Variants in MCTP1 observed in about 807,000 individuals in gnomAD.
MCTP1 encodes multiple C2 and transmembrane domain-containing protein 1.
In MCTP1, 69 loss-of-function variants were observed where a neutral mutation model predicts 120.6. The observed-to-expected ratio is 0.57, with a 90% CI of 0.47 to 0.70. The LOEUF is 0.70. Among genes scored for constraint, MCTP1 ranks in the 30% least tolerant of loss-of-function variants. The probability of loss-of-function intolerance (pLI) is 0.00; values close to 1 mark genes in which losing one functional copy is unlikely to be tolerated. For synonymous variants in MCTP1, 529 were observed against 493.1 expected, an observed-to-expected ratio of 1.07 and a Z score of -0.96; for missense variants, 1,203 against 1,248.8, an observed-to-expected ratio of 0.96 and a Z score of 0.55.
intron 1 of MCTP1, among the ~76,000 whole-genome samples, chr5:95,194,434 G>A (rs1750161789): frequency 6.6e-6 from 1 of 152,100 alleles, no homozygotes; most frequent in East Asian, 1.9e-4. Context: ...AAAGAAAGAG[G>A]AGAGCAAAGC....
At chr5:94,860,337 C>T (rs1339020651) in intron 17 of MCTP1, among the ~76,000 whole-genome samples, 1 of 151,290 alleles carries the variant, frequency 6.6e-6, no homozygotes, top group Non-Finnish European at 1.5e-5. Context: ...CCCATCAAAC[C>T]CTCATAATGA....
intron 1 of MCTP1, among the ~76,000 whole-genome samples, chr5:95,092,966 G>A (rs2152345354): frequency 6.6e-6 from 1 of 152,284 alleles, no homozygotes; most frequent in African/African-American, 2.4e-5. Flanking sequence ...ACACCTCATA[G>A]GGAGCTGAAA....
intron 1 of MCTP1, among the ~76,000 whole-genome samples, chr5:95,090,217 T>G (rs1222749440): frequency 6.6e-6 from 1 of 152,258 alleles, no homozygotes; most frequent in Non-Finnish European, 1.5e-5. Flanking sequence ...CAACATTGTA[T>G]GTTTAATTTT....
chr5:94,961,567 T>C lies in MCTP1; in HGVS notation c.839-8206A>G, dbSNP rs74563120. On this transcript the variant is annotated intron_variant, in intron 2 of 22. Transcript: ENST00000515393. ...CCTACAAAAAGGAAGGGACTTCACA[T>C]ATGTACAATATATATCATACCATTT... 3.7e-3 allele frequency among the ~76,000 whole-genome samples: 558 copies of C among 152,264 alleles called. 4 individuals carry two copies. Among genetic ancestry groups the C allele is most frequent in the Non-Finnish European group, 5.3e-3 (360 of 68,012 alleles).
rs898226014 is a variant in MCTP1, at chr5:94,735,039, G to T, written c.2611-20153C>A. Among the ~76,000 whole-genome samples the T allele has an allele frequency of 2.6e-5, 4 of 152,154 alleles. No homozygotes were observed. In the South Asian group the frequency reaches 6.2e-4, roughly 24 times the overall value. On this transcript the variant is annotated intron_variant, in intron 19 of 22. Coordinates refer to ENST00000515393, the MANE Select transcript of MCTP1 (RefSeq NM_024717.7). The stretch of plus-strand genomic sequence containing the variant: ...TATGTGATAATTGACCTGTGTGAGT[G>T]TATCTGTAGTATAAACTTCTACTAC...
chr5:95,153,095 G>A (rs1333282508), intron 1 of MCTP1, among the ~76,000 whole-genome samples: 1 of 152,096 alleles, frequency 6.6e-6, no homozygotes, highest in Non-Finnish European at 1.5e-5. Flanking sequence ...CCAACCAAAT[G>A]TCATCTCAAA....
At chr5:95,172,988 C>T (rs1747524368) in intron 1 of MCTP1, among the ~76,000 whole-genome samples, 1 of 152,114 alleles carries the variant, frequency 6.6e-6, no homozygotes. Flanking sequence ...ATATTAATTT[C>T]AGCCTTTTTT....
chr5:94,888,864 T>A lies in MCTP1; in HGVS notation c.1933+15A>T. The A allele has an allele frequency of 6.4e-7, 1 of 1,556,108 alleles. No individual in the cohort carries two copies. Among genetic ancestry groups the A allele is most frequent in the Non-Finnish European group, 8.9e-7 (1 of 1,127,474 alleles). On this transcript the variant is annotated intron_variant, in intron 12 of 22. Coordinates refer to ENST00000515393, the MANE Select transcript of MCTP1 (RefSeq NM_024717.7). ...TGCTTGATCTGAGCAATAGGAGAATTGCATCATCTCTTACCAGTGACGTCG... is the reference window on the plus strand; with the variant it reads ...TGCTTGATCTGAGCAATAGGAGAATAGCATCATCTCTTACCAGTGACGTCG...
chr5:95,265,035 A>G (rs1758771241), intron 1 of MCTP1, among the ~76,000 whole-genome samples: 1 of 152,152 alleles, frequency 6.6e-6, no homozygotes, highest in Admixed American at 6.5e-5. Context: ...TGAAAGGCTC[A>G]TGAACAGCCC....
intron 1 of MCTP1, among the ~76,000 whole-genome samples, chr5:95,255,019 G>A (rs1239804720): frequency 1.3e-5 from 2 of 152,062 alleles, no homozygotes; most frequent in Non-Finnish European, 2.9e-5. Context: ...AAAACTTTCA[G>A]GGTTTTCTTG....
intron 2 of MCTP1, among the ~76,000 whole-genome samples, chr5:94,971,437 A>G (rs1010864215): frequency 6.6e-6 from 1 of 152,166 alleles, no homozygotes; most frequent in South Asian, 2.1e-4. Flanking sequence ...CTAGCAAGAT[A>G]AAGTTAAATA....
chr5:94,905,493 G>C (rs1411160967), intron 10 of MCTP1, among the ~76,000 whole-genome samples: 5 of 152,196 alleles, frequency 3.3e-5, no homozygotes, highest in Non-Finnish European at 7.3e-5. Context: ...CCATATGAAA[G>C]CTGATGGTGG....
chr5:95,101,832 T>C (rs1172955700), intron 1 of MCTP1, among the ~76,000 whole-genome samples: 1 of 152,198 alleles, frequency 6.6e-6, no homozygotes, highest in Non-Finnish European at 1.5e-5. Context: ...AGGAAACTCC[T>C]TTCAAAGACA....
intron 4 of MCTP1, 55 bp downstream of exon 4, chr5:94,942,293 A>T: frequency 7.6e-7 from 1 of 1,320,378 alleles, no homozygotes; most frequent in Non-Finnish European, 1.1e-6. Context: ...ATTTTCTGTT[A>T]CACAAGCCCA....
At chr5:95,127,253 A>G (rs1370819835) in intron 1 of MCTP1, among the ~76,000 whole-genome samples, 1 of 152,014 alleles carries the variant, frequency 6.6e-6, no homozygotes, top group Non-Finnish European at 1.5e-5. Context: ...TGAAAAAAAA[A>G]AAGTTTTTAC....
intron 1 of MCTP1, among the ~76,000 whole-genome samples, chr5:95,096,982 A>G (rs1299052061): frequency 6.6e-6 from 1 of 152,158 alleles, no homozygotes; most frequent in Non-Finnish European, 1.5e-5. Flanking sequence ...CATGATGTTT[A>G]AATACATTAC....
In MCTP1 at chr5:94,953,832, TATATATATATACACAACTATATATATGC is replaced by T. The variant is rs1156984768; in HGVS notation, c.839-499_839-472del. ...ATATATATACAAATATATATATACA[TATATATATATACACAACTATATATATGC>T]ATATATATACAAATATATATGCATA... On this transcript the variant is annotated intron_variant, in intron 2 of 22. Coordinates refer to ENST00000515393, the MANE Select transcript of MCTP1 (RefSeq NM_024717.7). Among the ~76,000 whole-genome samples the T allele has an allele frequency of 4.8e-3, 214 of 44,522 alleles. 28 individuals are homozygous for T. Among genetic ancestry groups the T allele is most frequent in the Admixed American group, 6.8e-3 (27 of 3,966 alleles). The allele number at this position is 44,522 out of a possible 152,430, so 29.2% of individuals were successfully genotyped here. A position where few individuals can be genotyped will look rare whatever the true frequency, so the allele number is the denominator to read the frequency against.
intron 19 of MCTP1, among the ~76,000 whole-genome samples, chr5:94,727,060 T>C (rs940848550): frequency 9.9e-5 from 15 of 152,168 alleles, no homozygotes; most frequent in African/African-American, 3.6e-4. Flanking sequence ...TATACCTTTC[T>C]AAAAAGGCAC....
chr5:94,885,673 T>C (rs1801159439), intron 12 of MCTP1, among the ~76,000 whole-genome samples: 1 of 122,526 alleles, frequency 8.2e-6, no homozygotes, highest in Non-Finnish European at 1.6e-5. Context: ...GCAGAGAGAA[T>C]GTTCCCCAGT....
Sources: allele counts gnomAD v4.1 joint callset (sites outside exome capture counted in the v4.1 genomes callset), GRCh38; gene constraint gnomAD v4.1.1; transcripts MANE v1.5; gene names NCBI Gene and HGNC (gene_info 2026-07-23, HGNC 2026-07-21).